Variants in EYA1 observed in about 807,000 individuals in gnomAD.
EYA1 encodes the protein protein phosphatase EYA1.
EYA1 carries 16 observed loss-of-function variants against 82.0 expected under a neutral mutation model. That is an observed-to-expected ratio of 0.20 (90% CI 0.13 to 0.30). The LOEUF (loss-of-function observed/expected upper bound fraction) is 0.30. EYA1 is among the 10% of genes least tolerant of loss of function. EYA1 has a pLI of 1.00. For synonymous variants in EYA1, 261 were observed against 264.4 expected (o/e 0.99, Z 0.12); for missense variants, 633 against 730.7 (o/e 0.87, Z 1.54).
At chr8:71,324,817 A>G (rs1052297851) in intron 4 of EYA1, among the ~76,000 whole-genome samples, 7 of 152,002 alleles carry the variant, frequency 4.6e-5, no homozygotes, top group Non-Finnish European at 1.0e-4. Flanking sequence ...CCGACCCCCA[A>G]TCCAGAATTG....
chr8:71,523,272 A>G (rs1380735979), intron 2 of EYA1, among the ~76,000 whole-genome samples: 40 of 135,488 alleles, frequency 3.0e-4, no homozygotes. Flanking sequence ...TCCGCCTCCC[A>G]GGTTCACGCC....
chr8:71,251,029 G>A (rs550352079), intron 11 of EYA1, among the ~76,000 whole-genome samples: 4 of 152,144 alleles, frequency 2.6e-5, no homozygotes, highest in Non-Finnish European at 2.9e-5. Flanking sequence ...AACATTAAAC[G>A]TGTTCACTAG....
chr8:71,198,450 A>G lies in EYA1; in HGVS notation c.*890T>C, dbSNP rs1563594433. 1 of 152,514 alleles carries G rather than the reference A, an allele frequency of 6.6e-6. No individual in the cohort carries two copies. The highest frequency in any genetic ancestry group is 6.6e-5 in the Admixed American group (1 of 15,262). The allele number at this position is 152,514 out of a possible 1,614,324, so 9.4% of individuals were successfully genotyped here. A position where few individuals can be genotyped will look rare whatever the true frequency, so the allele number is the denominator to read the frequency against. On this transcript the variant is annotated 3_prime_UTR_variant, in exon 18 of 18. Transcript: ENST00000340726. ...TGACAACATTATCTAAAAAAAAAAA[A>G]TCCATTATCTACATATTTATACCGA... is the stretch of plus-strand genomic sequence containing the variant.
At chr8:71,382,614 T>C (rs986119017) in intron 2 of EYA1, among the ~76,000 whole-genome samples, 3 of 152,150 alleles carry the variant, frequency 2.0e-5, no homozygotes, top group Non-Finnish European at 2.9e-5. Flanking sequence ...AGTGATGTTA[T>C]GGACAGGGCA....
intron 12 of EYA1, among the ~76,000 whole-genome samples, chr8:71,223,359 T>C (rs1810172585): frequency 6.6e-6 from 1 of 152,104 alleles, no homozygotes; most frequent in Admixed American, 6.5e-5. Flanking sequence ...AATACCAAAA[T>C]TGAAATGACC....
intron 2 of EYA1, among the ~76,000 whole-genome samples, chr8:71,450,332 T>G (rs1226267764): frequency 6.6e-6 from 1 of 152,192 alleles, no homozygotes; most frequent in East Asian, 1.9e-4. Context: ...GTTGAACACT[T>G]AGAGGCCATT....
At chr8:71,363,964 T>C (rs1432495723), upstream of EYA1, among the ~76,000 whole-genome samples, 1 of 151,940 alleles carries the variant, frequency 6.6e-6, no homozygotes, top group Admixed American at 6.6e-5. Context: ...ATCAAAACAG[T>C]GGGAATATTA....
intron 17 of EYA1, among the ~76,000 whole-genome samples, chr8:71,210,767 G>A (rs1394713828): frequency 6.6e-6 from 1 of 152,230 alleles, no homozygotes; most frequent in Admixed American, 6.5e-5. Context: ...GCTTTCTGAA[G>A]GATGTTTGAA....
intron 6 of EYA1, among the ~76,000 whole-genome samples, chr8:71,318,241 C>T (rs1822145577): frequency 1.3e-5 from 2 of 152,072 alleles, no homozygotes; most frequent in East Asian, 1.9e-4. Context: ...AACTAAACAA[C>T]ATGGTGGAAA....
chr8:71,446,246 C>A (rs148336213), intron 2 of EYA1, among the ~76,000 whole-genome samples: 1 of 151,982 alleles, frequency 6.6e-6, no homozygotes, highest in Non-Finnish European at 1.5e-5. Context: ...GTGTTGAGGG[C>A]GGGTCCTGGT....
At chr8:71,276,478 A>G (rs1586139010) in intron 9 of EYA1, among the ~76,000 whole-genome samples, 1 of 152,190 alleles carries the variant, frequency 6.6e-6, no homozygotes, top group Non-Finnish European at 1.5e-5. Context: ...TTGTACCAAA[A>G]GGAATCCTCC....
At chr8:71,424,767 T>C (rs563554428) in intron 2 of EYA1, among the ~76,000 whole-genome samples, 6 of 152,242 alleles carry the variant, frequency 3.9e-5, no homozygotes, top group African/African-American at 1.4e-4. Context: ...CAGGTCTCTG[T>C]TCTCATCCTG....
At chr8:71,238,770 TTTCA>T (rs1412762445) in intron 12 of EYA1, among the ~76,000 whole-genome samples, 1 of 152,078 alleles carries the variant, frequency 6.6e-6, no homozygotes, top group South Asian at 2.1e-4. Context: ...ATCTCTTTCA[TTTCA>T]TTAAGTAAAG....
chr8:71,447,478 T>C (rs1333011820), intron 2 of EYA1, among the ~76,000 whole-genome samples: 1 of 152,208 alleles, frequency 6.6e-6, no homozygotes, highest in African/African-American at 2.4e-5. Flanking sequence ...CATCCCTAGT[T>C]GTTTGCACCT....
At chr8:71,330,003 T>G (rs1349224632) in intron 4 of EYA1, among the ~76,000 whole-genome samples, 1 of 151,706 alleles carries the variant, frequency 6.6e-6, no homozygotes, top group Non-Finnish European at 1.5e-5. Context: ...GTAAGGCAGG[T>G]GTACAGGGAA....
chr8:71,337,005 T>C (rs1181626657), intron 3 of EYA1, among the ~76,000 whole-genome samples: 1 of 152,230 alleles, frequency 6.6e-6, no homozygotes, highest in Admixed American at 6.5e-5. Flanking sequence ...GTTAAAAAGA[T>C]GAGAATGATC....
At chr8:71,393,103 T>G (rs183469700) in intron 2 of EYA1, among the ~76,000 whole-genome samples, 10 of 152,248 alleles carry the variant, frequency 6.6e-5, no homozygotes, top group Admixed American at 5.9e-4. Context: ...GTACCTCTAT[T>G]TTCAATCTAA....
intron 2 of EYA1, among the ~76,000 whole-genome samples, chr8:71,494,770 A>C (rs1472487695): frequency 6.6e-6 from 1 of 152,158 alleles, no homozygotes; most frequent in Non-Finnish European, 1.5e-5. Context: ...ATAATCTAAA[A>C]TATGTATAAG....
At chr8:71,279,300 G>A (rs1053140117) in intron 9 of EYA1, among the ~76,000 whole-genome samples, 16 of 152,192 alleles carry the variant, frequency 1.1e-4, no homozygotes, top group Non-Finnish European at 1.8e-4. Context: ...ACATGAGCAC[G>A]AAGTAGATGT....
Sources: allele counts gnomAD v4.1 joint callset (sites outside exome capture counted in the v4.1 genomes callset), GRCh38; gene constraint gnomAD v4.1.1; transcripts MANE v1.5; gene names NCBI Gene and HGNC (gene_info 2026-07-23, HGNC 2026-07-21).